TSPAN9: variants seen among roughly 807,000 people sequenced by gnomAD.
TSPAN9 encodes tetraspanin-9.
A neutral mutation model predicts 31.0 loss-of-function variants in TSPAN9; 16 were observed. That is an observed-to-expected ratio of 0.52 (90% CI 0.35 to 0.78). The LOEUF is 0.78. Ranked by LOEUF, TSPAN9 falls within the 30% of genes least tolerant of loss-of-function variation. The probability of loss-of-function intolerance (pLI) is 0.01; values close to 1 mark genes in which losing one functional copy is unlikely to be tolerated. For synonymous variants in TSPAN9, 145 were observed against 121.6 expected (o/e 1.19, Z -1.27); for missense variants, 272 against 312.5 (o/e 0.87, Z 0.98).
At chr12:3,208,288 G>A (rs1026232202) in intron 3 of TSPAN9, among the ~76,000 whole-genome samples, 2 of 152,168 alleles carry the variant, frequency 1.3e-5, no homozygotes, top group Non-Finnish European at 2.9e-5. Flanking sequence ...CGGGCCTTCG[G>A]GGTATATGGG....
At chr12:3,240,119 G>A (rs2098395829) in intron 3 of TSPAN9, among the ~76,000 whole-genome samples, 1 of 151,752 alleles carries the variant, frequency 6.6e-6, no homozygotes, top group Non-Finnish European at 1.5e-5. Flanking sequence ...ACCCTCACCC[G>A]GCCTCCACAA....
intron 2 of TSPAN9, among the ~76,000 whole-genome samples, chr12:3,131,138 A>AAAG (rs1182700981): frequency 6.6e-6 from 1 of 151,754 alleles, no homozygotes; most frequent in Non-Finnish European, 1.5e-5. Context: ...GGAAAAAAAA[A>AAAG]AAGAAACCGG....
At position 3,235,677 on chromosome 12, in the gene TSPAN9, A is replaced by G. The variant is rs2098393396; in HGVS notation, c.63+34421A>G. The stretch of plus-strand genomic sequence containing the variant: ...GCATCCTGTCTCCCACCCTCTGATG[A>G]TGGCTGGTTATTTCAGATGGGGAAG... On this transcript the variant is annotated intron_variant, in intron 3 of 8. Transcript: ENST00000011898. Among the ~76,000 whole-genome samples the G allele has an allele frequency of 2.0e-5, 3 of 152,096 alleles. No individual in the cohort carries two copies. In the South Asian group the frequency reaches 6.2e-4, roughly 32 times the overall value.
chr12:3,243,704 C>G (rs867574878), intron 3 of TSPAN9, among the ~76,000 whole-genome samples: 80 of 152,250 alleles, frequency 5.3e-4, no homozygotes, highest in African/African-American at 1.9e-3. Context: ...GGGGTTGACG[C>G]CCGTGGTCTG....
chr12:3,267,801 C>G (rs1177719114), intron 3 of TSPAN9, among the ~76,000 whole-genome samples: 1 of 152,188 alleles, frequency 6.6e-6, no homozygotes, highest in Non-Finnish European at 1.5e-5. Flanking sequence ...AGGCTGCCTC[C>G]TCGTGGTTCC....
chr12:3,096,875 T>C (rs1456756383), intron 2 of TSPAN9, among the ~76,000 whole-genome samples: 1 of 152,100 alleles, frequency 6.6e-6, no homozygotes, highest in African/African-American at 2.4e-5. Context: ...TTTTTTTGTA[T>C]TTTTAGTAGA....
chr12:3,253,218 C>T (rs960231849), intron 3 of TSPAN9, among the ~76,000 whole-genome samples: 6 of 152,184 alleles, frequency 3.9e-5, no homozygotes, highest in African/African-American at 9.7e-5. Flanking sequence ...AGCAGGCCCG[C>T]GTTCCTAAGA....
chr12:3,119,975 T>C (rs900326223), intron 2 of TSPAN9, among the ~76,000 whole-genome samples: 2 of 152,154 alleles, frequency 1.3e-5, no homozygotes, highest in Non-Finnish European at 2.9e-5. Context: ...TTTCTGGGCC[T>C]GGGTGCCTCT....
intron 3 of TSPAN9, among the ~76,000 whole-genome samples, chr12:3,205,724 C>G (rs1267365474): frequency 2.9e-5 from 3 of 101,866 alleles, no homozygotes; most frequent in South Asian, 2.8e-4. Context: ...TTAGGCCCCC[C>G]CCCCCCAGAG....
intron 3 of TSPAN9, among the ~76,000 whole-genome samples, chr12:3,233,795 G>A (rs371096607): frequency 4.6e-5 from 7 of 152,222 alleles, no homozygotes; most frequent in African/African-American, 1.4e-4. Flanking sequence ...GGGGCAAGGA[G>A]TTTTCCTCTT....
intron 2 of TSPAN9, among the ~76,000 whole-genome samples, chr12:3,125,328 G>A (rs1430312638): frequency 6.6e-6 from 1 of 152,040 alleles, no homozygotes; most frequent in Non-Finnish European, 1.5e-5. Flanking sequence ...TGCGTGCTCA[G>A]CACAGCACCT....
At chr12:3,234,712 G>C (rs773528791) in intron 3 of TSPAN9, among the ~76,000 whole-genome samples, 8 of 152,182 alleles carry the variant, frequency 5.3e-5, no homozygotes, top group Non-Finnish European at 1.2e-4. Context: ...TCCAGGATCA[G>C]CTGCTGATGG....
chr12:3,140,602 G>T (rs113512991), intron 2 of TSPAN9, among the ~76,000 whole-genome samples: 1 of 152,156 alleles, frequency 6.6e-6, no homozygotes, highest in Non-Finnish European at 1.5e-5. Context: ...GTGAGGAGGC[G>T]TTTGGGGTTC....
intron 2 of TSPAN9, among the ~76,000 whole-genome samples, chr12:3,181,742 C>T (rs774081537): frequency 1.3e-5 from 2 of 152,186 alleles, no homozygotes; most frequent in Admixed American, 1.3e-4. Context: ...CTGACCCCAG[C>T]CCTCGTGCCC....
chr12:3,262,041 G>C (rs937325245), intron 3 of TSPAN9, among the ~76,000 whole-genome samples: 1 of 152,248 alleles, frequency 6.6e-6, no homozygotes, highest in Non-Finnish European at 1.5e-5. Context: ...CCAGACTCTA[G>C]CTCCCTTGAG....
intron 3 of TSPAN9, among the ~76,000 whole-genome samples, chr12:3,232,322 A>G (rs927262069): frequency 2.0e-5 from 3 of 151,970 alleles, no homozygotes; most frequent in Non-Finnish European, 2.9e-5. Context: ...AATGCTTCCA[A>G]TAACCAGAGG....
intron 2 of TSPAN9, among the ~76,000 whole-genome samples, chr12:3,108,205 T>C (rs2098315647): frequency 6.6e-6 from 1 of 152,248 alleles, no homozygotes; most frequent in African/African-American, 2.4e-5. Flanking sequence ...TGTGCTGTGA[T>C]AAATGTATCA....
At chr12:3,131,690 G>A (rs541652473) in intron 2 of TSPAN9, among the ~76,000 whole-genome samples, 10 of 152,264 alleles carry the variant, frequency 6.6e-5, no homozygotes, top group Middle Eastern at 3.4e-3. Flanking sequence ...GACCCTCGTC[G>A]GATAGGCCCT....
chr12:3,163,373 C>T (rs1453749865), intron 2 of TSPAN9, among the ~76,000 whole-genome samples: 4 of 152,184 alleles, frequency 2.6e-5, no homozygotes, highest in Admixed American at 6.5e-5. Flanking sequence ...CACACTCTAC[C>T]CCATGGTAAG....
Sources: allele counts gnomAD v4.1 joint callset (sites outside exome capture counted in the v4.1 genomes callset), GRCh38; gene constraint gnomAD v4.1.1; transcripts MANE v1.5; gene names NCBI Gene and HGNC (gene_info 2026-07-23, HGNC 2026-07-21).